The following ITPK1 variants were observed in gnomAD, a reference collection of about 807,000 sequenced individuals.
ITPK1 encodes inositol 1,3,4-trisphosphate 5/6-kinase.
ITPK1 carries 21 observed loss-of-function variants against 45.3 expected under a neutral mutation model. The observed-to-expected ratio is 0.46, with a 90% confidence interval of 0.33 to 0.67. The LOEUF (loss-of-function observed/expected upper bound fraction) is 0.67. Ranked by LOEUF, ITPK1 falls within the 30% of genes least tolerant of loss-of-function variation. The pLI, the probability that ITPK1 is intolerant of heterozygous loss-of-function variation, is 0.02. For synonymous variants in ITPK1, 258 were observed against 253.6 expected (o/e 1.02, Z -0.16); for missense variants, 474 against 573.5 (o/e 0.83, Z 1.77).
chr14:93,013,076 G>T (rs1302388287), intron 4 of ITPK1, among the ~76,000 whole-genome samples: 2 of 152,190 alleles, frequency 1.3e-5, no homozygotes, highest in African/African-American at 4.8e-5. Context: ...CCTGAGGCAG[G>T]GACCCTCTCG....
At chr14:92,949,155 G>A (rs1049910083) in intron 9 of ITPK1, among the ~76,000 whole-genome samples, 14 of 151,396 alleles carry the variant, frequency 9.2e-5, no homozygotes, top group South Asian at 2.1e-4. Context: ...GTGCAATGGC[G>A]AGATCACAAC....
intron 2 of ITPK1, among the ~76,000 whole-genome samples, chr14:93,080,662 T>G (rs1161824144): frequency 6.6e-6 from 1 of 152,244 alleles, no homozygotes; most frequent in Admixed American, 6.5e-5. Flanking sequence ...TCCTTCATAC[T>G]TCCCTGTGTT....
intron 4 of ITPK1, among the ~76,000 whole-genome samples, chr14:93,005,880 C>G (rs998941191): frequency 6.6e-6 from 1 of 152,176 alleles, no homozygotes; most frequent in Non-Finnish European, 1.5e-5. Flanking sequence ...GTTTAACATG[C>G]AGCAGTTAGA....
In ITPK1 at chr14:93,115,297, C is replaced by T. The variant is rs960230976; in HGVS notation, c.-134G>A. The stretch of plus-strand genomic sequence containing the variant: ...CGCGGAACGGGGATCGGAGCTGGGG[C>T]GCGCAGTCCTGCCGCGCGGAGCGGA... On this transcript the variant is annotated 5_prime_UTR_variant, in exon 2 of 11. Coordinates refer to ENST00000267615, the MANE Select transcript of ITPK1 (RefSeq NM_014216.6). 2.3e-4 allele frequency: 114 copies of T among 495,478 alleles called. No individual in the cohort carries two copies. Among genetic ancestry groups the T allele is most frequent in the Non-Finnish European group, 1.5e-4 (44 of 287,520 alleles). 30.7% of individuals were successfully genotyped at this position (495,478 alleles called of 1,614,324 possible).
In ITPK1 at chr14:92,978,817, G is replaced by A. The variant is rs558053016; in HGVS notation, c.364+15063C>T. Among the ~76,000 whole-genome samples the A allele has an allele frequency of 9.2e-5, 14 of 152,330 alleles. No individual in the cohort carries two copies. The South Asian group carries it at 2.7e-3, about 29-fold the overall frequency. On this transcript the variant is annotated intron_variant, in intron 5 of 10. Coordinates refer to ENST00000267615, the MANE Select transcript of ITPK1 (RefSeq NM_014216.6). ...CCAGACAGAAGTCTGCTGCAAGGGT[G>A]GAGCCCTCATGGAAAACCTCTGCTA...
intron 3 of ITPK1, among the ~76,000 whole-genome samples, chr14:93,072,855 TC>T (rs1427711425): frequency 6.6e-6 from 1 of 152,194 alleles, no homozygotes; most frequent in East Asian, 1.9e-4. Flanking sequence ...GCTCAAGCAA[TC>T]CACCCACCTC....
intron 5 of ITPK1, among the ~76,000 whole-genome samples, chr14:92,981,663 T>C (rs1326682443): frequency 6.6e-6 from 1 of 152,218 alleles, no homozygotes; most frequent in Non-Finnish European, 1.5e-5. Flanking sequence ...GCAGGTACTA[T>C]GTTCCAGGCC....
chr14:93,115,039 C>A (rs371703821), intron 2 of ITPK1, 30 bp downstream of exon 2: 3 of 1,489,062 alleles, frequency 2.0e-6, no homozygotes, highest in Non-Finnish European at 1.8e-6. Context: ...GCCGGGGGTC[C>A]CCGGGCGCCG....
chr14:93,002,816 G>C (rs1347003508), intron 4 of ITPK1, among the ~76,000 whole-genome samples: 1 of 152,220 alleles, frequency 6.6e-6, no homozygotes. Flanking sequence ...AAGGTCGCAA[G>C]GGAGAGTGGC....
intron 3 of ITPK1, among the ~76,000 whole-genome samples, chr14:93,021,134 A>G (rs1046095299): frequency 6.6e-5 from 10 of 152,054 alleles, no homozygotes; most frequent in African/African-American, 1.4e-4. Flanking sequence ...AATGGCCCCA[A>G]TAAAGGGTGA....
intron 3 of ITPK1, among the ~76,000 whole-genome samples, chr14:93,056,196 G>A (rs550874530): frequency 2.8e-4 from 43 of 152,296 alleles, no homozygotes; most frequent in Non-Finnish European, 4.9e-4. Flanking sequence ...GTGCAGCAGG[G>A]TTGAGAGGCA....
chr14:92,938,633 G>C lies in ITPK1; in HGVS notation c.*2928C>G. The C allele has an allele frequency of 3.2e-6, 3 of 928,520 alleles. No individual in the cohort carries two copies. The highest frequency in any genetic ancestry group is 3.5e-6 in the Non-Finnish European group (2 of 578,926). 57.5% of individuals were successfully genotyped at this position (928,520 alleles called of 1,614,324 possible). On this transcript the variant is annotated 3_prime_UTR_variant, in exon 11 of 11. Coordinates refer to ENST00000267615, the MANE Select transcript of ITPK1 (RefSeq NM_014216.6). ...GAAGCCCCATGGAACCTGCCAGGTT[G>C]CAGCTGGGTCCAATCCCGCCGGCCA...
intron 5 of ITPK1, among the ~76,000 whole-genome samples, chr14:92,973,257 A>G (rs1394941023): frequency 6.6e-6 from 1 of 152,260 alleles, no homozygotes; most frequent in Non-Finnish European, 1.5e-5. Flanking sequence ...AGGCCTCAGT[A>G]AGAACCATCT....
intron 5 of ITPK1, among the ~76,000 whole-genome samples, chr14:92,992,024 G>A (rs890012807): frequency 5.9e-5 from 9 of 152,180 alleles, no homozygotes; most frequent in Non-Finnish European, 8.8e-5. Flanking sequence ...TGATTTGTCC[G>A]AGACCACGTG....
chr14:92,945,423 G>A (rs1887635614), intron 10 of ITPK1, among the ~76,000 whole-genome samples: 2 of 152,260 alleles, frequency 1.3e-5, no homozygotes, highest in Admixed American at 1.3e-4. Context: ...GCCAGGCACA[G>A]TCTCTGAAGG....
chr14:92,962,006 T>C lies in ITPK1; in HGVS notation c.504+349A>G, dbSNP rs529386383. Among the ~76,000 whole-genome samples the C allele has an allele frequency of 3.9e-5, 6 of 152,310 alleles. No individual in the cohort carries two copies. In the South Asian group the frequency reaches 1.2e-3, roughly 32 times the overall value. ...GCACCTTGACCTGGGACTTTTAGCC[T>C]CCGGGGCTGTGAGAAAATAAATGTG... On this transcript the variant is annotated intron_variant, in intron 7 of 10. Transcript: ENST00000267615.
At chr14:92,993,778 T>C (rs1886907236) in intron 5 of ITPK1, 102 bp downstream of exon 5, 1 of 740,894 alleles carries the variant, frequency 1.3e-6, no homozygotes, top group Non-Finnish European at 2.4e-6. Context: ...CCAAAGTGCT[T>C]AAAAAGACAA....
intron 2 of ITPK1, among the ~76,000 whole-genome samples, chr14:93,096,941 A>G (rs1221748234): frequency 6.6e-6 from 1 of 152,188 alleles, no homozygotes. Context: ...TCCCTCTGTA[A>G]GCAAAAGCCA....
At chr14:93,039,934 T>G (rs908562697) in intron 3 of ITPK1, among the ~76,000 whole-genome samples, 1 of 152,164 alleles carries the variant, frequency 6.6e-6, no homozygotes, top group South Asian at 2.1e-4. Flanking sequence ...CAGGGCCTCC[T>G]CCAGAGGGTG....
Sources: allele counts gnomAD v4.1 joint callset (sites outside exome capture counted in the v4.1 genomes callset), GRCh38; gene constraint gnomAD v4.1.1; transcripts MANE v1.5; gene names NCBI Gene and HGNC (gene_info 2026-07-23, HGNC 2026-07-21).